Variants in ZFP3 observed in about 807,000 individuals in gnomAD.
ZFP3 encodes ZFP3 zinc finger protein, also known as zinc finger protein 3 homolog.
Under a neutral mutation model 36.7 loss-of-function variants are expected in ZFP3, and 18 were observed. The observed-to-expected ratio is 0.49, with a 90% CI of 0.34 to 0.73. ZFP3 has a LOEUF of 0.73. Ranked by LOEUF, ZFP3 falls within the 30% of genes least tolerant of loss-of-function variation. The pLI, the probability that ZFP3 is intolerant of heterozygous loss-of-function variation, is 0.01. For synonymous variants in ZFP3, 218 were observed against 199.0 expected (o/e 1.10, Z -0.81); for missense variants, 495 against 599.0 (o/e 0.83, Z 1.81).
At chr17:5,084,380 A>C (rs1189773083) in intron 1 of ZFP3, among the ~76,000 whole-genome samples, 1 of 103,972 alleles carries the variant, frequency 9.6e-6, no homozygotes, top group Non-Finnish European at 1.8e-5. Context: ...GGTTCACGCC[A>C]TTCTCCTGCC....
In ZFP3 at chr17:5,092,678, C is replaced by A; in HGVS notation, c.1174C>A (p.Pro392Thr). ...TGAGAGAATTCACACTGGAGAGAAA[C>A]CCTATGAATGCTTTGAGTGTGGAAA... is the stretch of plus-strand genomic sequence containing the variant. The part of the protein sequence containing the change: ...RHERIHTGEK[P>T]YECFECGKAF... The change falls in exon 2 of 2, where the codon CCC becomes ACC. Residue 392 changes from proline to threonine, a missense_variant. By Grantham distance (38) the Pro-to-Thr change is conservative (BLOSUM62 -1). This residue lies in a region of ZFP3 where 163 missense variants were observed against 178.4 expected (regional missense o/e 0.91). Transcript: ENST00000318833. The surrounding 1 kb of genome is among the most constrained non-coding windows in gnomAD (Gnocchi z 5.0). 1 of 1,614,124 alleles carries A rather than the reference C, an allele frequency of 6.2e-7. No homozygotes were observed. The highest frequency in any genetic ancestry group is 8.5e-7 in the Non-Finnish European group (1 of 1,180,026).
At chr17:5,091,076 T>C (rs746081553) in intron 1 of ZFP3, among the ~76,000 whole-genome samples, 3 of 152,166 alleles carry the variant, frequency 2.0e-5, no homozygotes, top group Non-Finnish European at 4.4e-5. Flanking sequence ...TCACCGTTAA[T>C]ATTATGGATT....
chr17:5,091,352 A>G (rs957152234), intron 1 of ZFP3, 145 bp from the exon 2 acceptor site: 56 of 860,958 alleles, frequency 6.5e-5, no homozygotes, highest in Non-Finnish European at 9.1e-5. Flanking sequence ...GGCTCAAGCA[A>G]TCCTCCTGCC....
In ZFP3 at chr17:5,092,193, G is replaced by A; in HGVS notation, c.689G>A (p.Cys230Tyr). The change falls in exon 2 of 2, where the codon TGT (cysteine) becomes TAT (tyrosine). Residue 230 changes from cysteine to tyrosine, a missense_variant. This residue lies in a region of ZFP3 where 103 missense variants were observed against 186.8 expected (regional missense o/e 0.55). Coordinates refer to ENST00000318833, the MANE Select transcript of ZFP3 (RefSeq NM_153018.3). This position sits in a 1 kb window ranked among gnomAD's most constrained non-coding sequence, Gnocchi z 5.0. ...TGERPYKCEE[C>Y]GKAFSQNSAL... is the part of the protein sequence containing the mutation. Reference sequence around the variant, plus strand: ...GAGAGACCCTATAAATGTGAAGAATGTGGTAAAGCCTTCAGTCAAAATTCA... The same window carrying A: ...GAGAGACCCTATAAATGTGAAGAATATGGTAAAGCCTTCAGTCAAAATTCA... 2 of 1,614,196 alleles carry A rather than the reference G, an allele frequency of 1.2e-6. No individual in the cohort carries two copies. The highest frequency in any genetic ancestry group is 1.7e-6 in the Non-Finnish European group (2 of 1,180,034).
chr17:5,092,593 G>C lies in ZFP3; in HGVS notation c.1089G>C (p.Lys363Asn). The change falls in exon 2 of 2, where the codon AAG becomes AAC. Residue 363 changes from lysine (K) to asparagine (N), a missense_variant. This residue lies in a region of ZFP3 where 163 missense variants were observed against 178.4 expected (regional missense o/e 0.91). Coordinates refer to ENST00000318833, the MANE Select transcript of ZFP3 (RefSeq NM_153018.3). The surrounding 1 kb of genome is among the most constrained non-coding windows in gnomAD (Gnocchi z 5.0). ...IRHIRIHTGE[K>N]PYVCKECGKA... ...ATATTAGAATTCATACTGGTGAGAA[G>C]CCCTATGTATGTAAGGAATGTGGGA... The C allele has an allele frequency of 6.2e-7, 1 of 1,613,886 alleles. No homozygotes were observed. The highest frequency in any genetic ancestry group is 1.1e-5 in the South Asian group (1 of 91,074).
intron 1 of ZFP3, among the ~76,000 whole-genome samples, chr17:5,080,043 GA>G (rs111980978): frequency 0.012 from 1,618 of 140,478 alleles, 15 homozygotes; most frequent in African/African-American, 0.023. Flanking sequence ...CATCTCCAAA[GA>G]AAAAAAAAAA....
intron 1 of ZFP3, among the ~76,000 whole-genome samples, chr17:5,081,044 C>T (rs1320363219): frequency 1.3e-5 from 2 of 152,056 alleles, no homozygotes; most frequent in Non-Finnish European, 2.9e-5. Flanking sequence ...ATATTTATCC[C>T]ACCCCGTGCA....
intron 1 of ZFP3, among the ~76,000 whole-genome samples, chr17:5,087,968 T>TA (rs972847731): frequency 6.6e-6 from 1 of 152,114 alleles, no homozygotes; most frequent in African/African-American, 2.4e-5. Flanking sequence ...AAATGGAAGA[T>TA]AACTGGAGCA....
In ZFP3 at chr17:5,092,389, C is replaced by T; in HGVS notation, c.885C>T (p.Gly295=). The T allele has an allele frequency of 1.9e-6, 3 of 1,614,086 alleles. No individual in the cohort carries two copies. The highest frequency in any genetic ancestry group is 1.7e-6 in the Non-Finnish European group (2 of 1,180,022). Residue 295 remains glycine (G), a synonymous_variant, in exon 2 of 2, where the codon GGC becomes GGT. Transcript: ENST00000318833. This position sits in a 1 kb window ranked among gnomAD's most constrained non-coding sequence, Gnocchi z 5.0. ...GCAAAGCCTTCAAGCATAGCTCAGG[C>T]CTTATTAGACACCAGAAAATTCATA... ...ECGKAFKHSS[G]LIRHQKIHTG... is the part of the protein sequence containing the mutation.
chr17:5,091,691 T>C lies in ZFP3; in HGVS notation c.187T>C (p.Ser63Pro). ...CATGGAAGAGGTTATAGAGCAGATGTCTCCTCAGGAGAGAGACTTTCCATC... is the reference window on the plus strand; with the variant it reads ...CATGGAAGAGGTTATAGAGCAGATGCCTCCTCAGGAGAGAGACTTTCCATC... ...ESMEEVIEQMSPQERDFPSGL... is the reference protein window; with the variant it reads ...ESMEEVIEQMPPQERDFPSGL... Residue 63 changes from serine to proline, a missense_variant, in exon 2 of 2, where the codon TCT becomes CCT. Coordinates refer to ENST00000318833, the MANE Select transcript of ZFP3 (RefSeq NM_153018.3). 1 of 1,614,158 alleles carries C rather than the reference T, an allele frequency of 6.2e-7. No individual in the cohort carries two copies. Among genetic ancestry groups the C allele is most frequent in the Non-Finnish European group, 8.5e-7 (1 of 1,180,032 alleles).
At position 5,093,121 on chromosome 17, in the gene ZFP3, A is replaced by AGGAGGTTCTGTCCATTC; in HGVS notation, c.*108_*109insGGAGGTTCTGTCCATTC. The AGGAGGTTCTGTCCATTC allele has an allele frequency of 8.3e-7, 1 of 1,207,360 alleles. No homozygotes were observed. The highest frequency in any genetic ancestry group is 1.1e-6 in the Non-Finnish European group (1 of 878,634). 74.8% of individuals were successfully genotyped at this position (1,207,360 alleles called of 1,614,324 possible). The stretch of plus-strand genomic sequence containing the variant: ...GTATTCAAATCCAATGAATGGACAG[A>AGGAGGTTCTGTCCATTC]ACCTCCTCTGTCCTCCCACTGATTT... On this transcript the variant is annotated 3_prime_UTR_variant, in exon 2 of 2. Coordinates refer to ENST00000318833, the MANE Select transcript of ZFP3 (RefSeq NM_153018.3).
chr17:5,079,832 G>A (rs2072083910), intron 1 of ZFP3, among the ~76,000 whole-genome samples: 2 of 152,106 alleles, frequency 1.3e-5, no homozygotes, highest in Admixed American at 1.3e-4. Context: ...CTGAGGTCAG[G>A]AGCTCGAGAC....
chr17:5,091,464 G>A (rs372777920), intron 1 of ZFP3, 33 bp from the exon 2 acceptor site: 115 of 1,585,514 alleles, frequency 7.3e-5, no homozygotes, highest in Non-Finnish European at 9.4e-5. Flanking sequence ...AATATGATAC[G>A]GTCCCTTCAC....
chr17:5,086,514 T>C (rs1287840220), intron 1 of ZFP3, among the ~76,000 whole-genome samples: 1 of 152,008 alleles, frequency 6.6e-6, no homozygotes, highest in African/African-American at 2.4e-5. Flanking sequence ...AATATAAACA[T>C]GTTCATATCT....
chr17:5,087,442 G>A (rs888815910), intron 1 of ZFP3, among the ~76,000 whole-genome samples: 1 of 152,064 alleles, frequency 6.6e-6, no homozygotes, highest in African/African-American at 2.4e-5. Flanking sequence ...CATTATTCTG[G>A]TTTTTCAGTT....
intron 1 of ZFP3, among the ~76,000 whole-genome samples, chr17:5,080,610 C>T (rs1020359930): frequency 6.6e-6 from 1 of 152,000 alleles, no homozygotes; most frequent in Non-Finnish European, 1.5e-5. Flanking sequence ...AAAATAAAAC[C>T]TCATCCCAGT....
chr17:5,090,226 C>G (rs1043716667), intron 1 of ZFP3, among the ~76,000 whole-genome samples: 1 of 152,122 alleles, frequency 6.6e-6, no homozygotes, highest in Non-Finnish European at 1.5e-5. Context: ...AAAAAGAAAA[C>G]TGAGATAACT....
intron 1 of ZFP3, among the ~76,000 whole-genome samples, chr17:5,083,724 G>T (rs1453611057): frequency 1.3e-5 from 2 of 152,060 alleles, no homozygotes; most frequent in Admixed American, 6.6e-5. Flanking sequence ...GGATTCTCAC[G>T]CAGCTAGCCT....
intron 1 of ZFP3, among the ~76,000 whole-genome samples, chr17:5,082,184 A>G (rs139927500): frequency 0.011 from 1,719 of 151,768 alleles, 34 homozygotes; most frequent in African/African-American, 0.038. Context: ...TGTCTCTACT[A>G]AAAATATAAA....
Sources: gnomAD v4.1 joint callset for allele counts (sites outside exome capture counted in the v4.1 genomes callset) on GRCh38, gnomAD v4.1.1 for gene constraint, gnomAD v4.1.1 regional missense constraint, Gnocchi (gnomAD v3.1) non-coding constraint, MANE v1.5 for transcripts, NCBI Gene and HGNC (gene_info 2026-07-23, HGNC 2026-07-21) for gene names.